Variants in IMMP2L observed in about 807,000 individuals in gnomAD.
The protein encoded by IMMP2L is mitochondrial inner membrane protease subunit 2.
In IMMP2L, 18 loss-of-function variants were observed where a neutral mutation model predicts 19.3. That is an observed-to-expected ratio of 0.93 (90% CI 0.64 to 1.38). IMMP2L has a LOEUF of 1.38. Among genes scored for constraint, IMMP2L ranks in the 40% most tolerant of loss-of-function variants. The pLI, the probability that IMMP2L is intolerant of heterozygous loss-of-function variation, is 0.00. For missense variants in IMMP2L, 233 were observed against 218.2 expected (o/e 1.07, Z -0.43); for synonymous variants, 76 against 73.0 (o/e 1.04, Z -0.21).
At chr7:110,827,742 C>A (rs1428855293) in intron 5 of IMMP2L, among the ~76,000 whole-genome samples, 2 of 152,102 alleles carry the variant, frequency 1.3e-5, no homozygotes, top group Admixed American at 1.3e-4. Context: ...CCTTTATTCA[C>A]AGGAAAAGAG....
intron 2 of IMMP2L, among the ~76,000 whole-genome samples, chr7:111,498,756 G>A (rs1329339118): frequency 6.6e-6 from 1 of 151,950 alleles, no homozygotes; most frequent in African/African-American, 2.4e-5. Context: ...GTTCTTCATT[G>A]TTGAACCTGA....
chr7:111,180,587 C>T (rs1015147334), intron 3 of IMMP2L, among the ~76,000 whole-genome samples: 2 of 151,952 alleles, frequency 1.3e-5, no homozygotes, highest in African/African-American at 4.8e-5. Flanking sequence ...GACACAAAAA[C>T]ATGAAGTGGG....
chr7:110,939,388 C>CAA (rs58982346), intron 4 of IMMP2L, among the ~76,000 whole-genome samples: 7,119 of 125,596 alleles, frequency 0.057, 599 homozygotes, highest in African/African-American at 0.18. Context: ...TGCAAAATTG[C>CAA]AAAAAAAAAA....
At chr7:111,366,838 C>A (rs1829810833) in intron 3 of IMMP2L, among the ~76,000 whole-genome samples, 1 of 151,692 alleles carries the variant, frequency 6.6e-6, no homozygotes, top group African/African-American at 2.4e-5. Flanking sequence ...TATGTATACA[C>A]ACACGTATAT....
intron 1 of IMMP2L, among the ~76,000 whole-genome samples, chr7:111,543,301 T>C (rs1321404824): frequency 6.6e-6 from 1 of 152,162 alleles, no homozygotes; most frequent in African/African-American, 2.4e-5. Flanking sequence ...ACCATATTAG[T>C]GTGCTCTCCG....
At chr7:110,685,096 C>T (rs779399669) in intron 5 of IMMP2L, among the ~76,000 whole-genome samples, 41 of 151,960 alleles carry the variant, frequency 2.7e-4, no homozygotes, top group South Asian at 6.2e-4. Context: ...ACTAATCCAT[C>T]GGTCAAATAG....
At chr7:110,830,457 A>G (rs1424269378) in intron 5 of IMMP2L, among the ~76,000 whole-genome samples, 1 of 152,024 alleles carries the variant, frequency 6.6e-6, no homozygotes, top group Non-Finnish European at 1.5e-5. Flanking sequence ...GATCTCTTAC[A>G]GTTTCCTTAA....
At chr7:111,012,438 T>C (rs970483642) in intron 3 of IMMP2L, among the ~76,000 whole-genome samples, 4 of 152,112 alleles carry the variant, frequency 2.6e-5, no homozygotes, top group African/African-American at 9.7e-5. Flanking sequence ...TAAACATGAA[T>C]GCATTCAGTT....
At chr7:111,142,281 G>A (rs1488267356) in intron 3 of IMMP2L, among the ~76,000 whole-genome samples, 2 of 149,078 alleles carry the variant, frequency 1.3e-5, no homozygotes, top group East Asian at 2.0e-4. Context: ...AGCCAAGATC[G>A]CGCCACTGTG....
At chr7:111,384,256 A>AAGGAGAAAGGAGAG (rs1831507259) in intron 3 of IMMP2L, among the ~76,000 whole-genome samples, 1 of 110,518 alleles carries the variant, frequency 9.0e-6, no homozygotes, top group Admixed American at 8.1e-5. Flanking sequence ...AGAGAGGAGA[A>AAGGAGAAAGGAGAG]AGGAGAAAGG....
chr7:111,134,083 TGATTTTAA>T (rs1011341289), intron 3 of IMMP2L, among the ~76,000 whole-genome samples: 44 of 152,204 alleles, frequency 2.9e-4, no homozygotes, highest in African/African-American at 1.1e-3. Flanking sequence ...TTGATGTCTT[TGATTTTAA>T]GATTGACCTA....
At chr7:110,827,397 G>C (rs1803595024) in intron 5 of IMMP2L, among the ~76,000 whole-genome samples, 1 of 152,100 alleles carries the variant, frequency 6.6e-6, no homozygotes, top group Non-Finnish European at 1.5e-5. Flanking sequence ...TTTCACAATG[G>C]TCCTTGCTTT....
intron 5 of IMMP2L, among the ~76,000 whole-genome samples, chr7:110,775,873 C>T (rs945910099): frequency 1.1e-4 from 17 of 151,706 alleles, no homozygotes; most frequent in Admixed American, 7.2e-4. Context: ...TCCATGCCCA[C>T]GCATTACCCT....
chr7:111,295,985 TA>T (rs3052106), intron 3 of IMMP2L, among the ~76,000 whole-genome samples: 8,236 of 136,184 alleles, frequency 0.06, 672 homozygotes, highest in African/African-American at 0.18. Context: ...GAAAGAATGT[TA>T]AAAAAAAAAA....
intron 3 of IMMP2L, among the ~76,000 whole-genome samples, chr7:111,359,607 A>G (rs932702598): frequency 6.6e-6 from 1 of 151,922 alleles, no homozygotes; most frequent in Admixed American, 6.6e-5. Flanking sequence ...CGGCCTCTCC[A>G]GGTTCATAAA....
At chr7:111,304,995 C>T (rs942210228) in intron 3 of IMMP2L, among the ~76,000 whole-genome samples, 1 of 151,540 alleles carries the variant, frequency 6.6e-6, no homozygotes, top group Non-Finnish European at 1.5e-5. Context: ...GAAAGTGGCT[C>T]CAGATTTCAG....
intron 5 of IMMP2L, among the ~76,000 whole-genome samples, chr7:110,864,793 T>C (rs1807817754): frequency 6.6e-6 from 1 of 152,074 alleles, no homozygotes; most frequent in African/African-American, 2.4e-5. Context: ...CTACTTATGC[T>C]ATATTCCTAA....
intron 3 of IMMP2L, among the ~76,000 whole-genome samples, chr7:111,137,272 A>T (rs764426203): frequency 6.6e-6 from 1 of 152,154 alleles, no homozygotes; most frequent in African/African-American, 2.4e-5. Context: ...TTCTATATTC[A>T]ATTTATAATA....
chr7:111,195,435 GAGAT>G (rs1177313692), intron 3 of IMMP2L, among the ~76,000 whole-genome samples: 3 of 151,982 alleles, frequency 2.0e-5, no homozygotes, highest in African/African-American at 4.8e-5. Context: ...GAATAAAAAA[GAGAT>G]AGACTGGAAG....
Sources: gnomAD v4.1 joint callset for allele counts (sites outside exome capture counted in the v4.1 genomes callset) on GRCh38, gnomAD v4.1.1 for gene constraint, MANE v1.5 for transcripts, NCBI Gene and HGNC (gene_info 2026-07-23, HGNC 2026-07-21) for gene names.